ROBO2: variants seen among roughly 807,000 people sequenced by gnomAD.
ROBO2 encodes the protein roundabout guidance receptor 2, also known as roundabout homolog 2.
A neutral mutation model predicts 160.8 loss-of-function variants in ROBO2; 53 were observed. That is an observed-to-expected ratio of 0.33 (90% CI 0.26 to 0.41). The LOEUF is 0.41. ROBO2 is among the 10% of genes least tolerant of loss of function. ROBO2 has a pLI of 1.00. For missense variants in ROBO2, 1,577 were observed against 1,722.4 expected, an observed-to-expected ratio of 0.92 and a Z score of 1.49; for synonymous variants, 664 against 611.7, an observed-to-expected ratio of 1.09 and a Z score of -1.26.
Position 76,077,317 on chromosome 3 carries a change from C to T in ROBO2, c.109+139715C>T, listed in dbSNP as rs187988422. Among the ~76,000 whole-genome samples, 633 of 152,240 alleles carry T rather than the reference C, an allele frequency of 4.2e-3. 4 individuals are homozygous for T. Among genetic ancestry groups the T allele is most frequent in the African/African-American group, 0.015 (604 of 41,562 alleles). The stretch of plus-strand genomic sequence containing the variant: ...GTGGCTCATGCCTGTAATCTCAGCA[C>T]TTTTAGAGGCCGAGGTGGGTGGATC... On this transcript the variant is annotated intron_variant, in intron 2 of 26. Transcript: ENST00000487694.
chr3:76,830,135 C>T (rs931690567), intron 2 of ROBO2, among the ~76,000 whole-genome samples: 1 of 152,188 alleles, frequency 6.6e-6, no homozygotes, highest in South Asian at 2.1e-4. Context: ...CTAGATTTTA[C>T]AATGGTTTCC....
chr3:76,087,050 A>C (rs2069042486), intron 2 of ROBO2, among the ~76,000 whole-genome samples: 1 of 152,158 alleles, frequency 6.6e-6, no homozygotes, highest in South Asian at 2.1e-4. Context: ...GAAACAACTA[A>C]AAACTATGCA....
intron 2 of ROBO2, among the ~76,000 whole-genome samples, chr3:76,294,068 A>T (rs1449908448): frequency 1.3e-5 from 2 of 152,182 alleles, no homozygotes; most frequent in Non-Finnish European, 2.9e-5. Flanking sequence ...GCACTACCCC[A>T]TGCATGTGCA....
chr3:76,260,561 A>T (rs987971939), intron 2 of ROBO2, among the ~76,000 whole-genome samples: 3 of 152,212 alleles, frequency 2.0e-5, no homozygotes, highest in East Asian at 3.9e-4. Context: ...TCATACCCTC[A>T]TTGGTGAGGG....
intron 1 of ROBO2, among the ~76,000 whole-genome samples, chr3:75,928,472 A>G (rs1166914968): frequency 9.9e-5 from 1 of 10,100 alleles, no homozygotes; most frequent in Non-Finnish European, 2.8e-4. Flanking sequence ...ACTCTTATCC[A>G]GATGCTGTAT....
At chr3:76,287,564 T>C (rs1708569363) in intron 2 of ROBO2, among the ~76,000 whole-genome samples, 2 of 152,128 alleles carry the variant, frequency 1.3e-5, no homozygotes, top group East Asian at 3.8e-4. Flanking sequence ...TCTCCCAAAG[T>C]GCCTGGATTA....
At chr3:77,538,487 A>G (rs2092293084) in intron 6 of ROBO2, among the ~76,000 whole-genome samples, 1 of 152,040 alleles carries the variant, frequency 6.6e-6, no homozygotes, top group Non-Finnish European at 1.5e-5. Context: ...AATCATTTAC[A>G]TTTCTTGGAA....
In ROBO2 at chr3:77,518,923, A is replaced by G. The variant is rs187069783; in HGVS notation, c.807-3852A>G. ...GGATTTAGTTACTTTCCGTACTTAC[A>G]TGTTTTCTAACAAACCTGGCCCATG... On this transcript the variant is annotated intron_variant, in intron 5 of 25. Transcript: ENST00000461745. Among the ~76,000 whole-genome samples the G allele has an allele frequency of 6.1e-3, 918 of 151,576 alleles. 8 individuals carry two copies. The highest frequency in any genetic ancestry group is 0.019 in the African/African-American group (784 of 41,460).
At chr3:77,172,159 G>T (rs184744407) in intron 2 of ROBO2, among the ~76,000 whole-genome samples, 1 of 152,252 alleles carries the variant, frequency 6.6e-6, no homozygotes, top group East Asian at 1.9e-4. Context: ...ACATCAAAAT[G>T]AAAATGTCTC....
intron 2 of ROBO2, among the ~76,000 whole-genome samples, chr3:76,259,969 T>C (rs947950709): frequency 6.6e-6 from 1 of 152,170 alleles, no homozygotes; most frequent in Non-Finnish European, 1.5e-5. Context: ...TTTCATAGTT[T>C]ATGACAATCT....
chr3:77,547,169 C>A (rs2092729163), intron 7 of ROBO2, among the ~76,000 whole-genome samples: 1 of 152,040 alleles, frequency 6.6e-6, no homozygotes, highest in Non-Finnish European at 1.5e-5. Context: ...TCATTTAGAA[C>A]TCTGTCTAAA....
chr3:77,578,583 A>C (rs2153673667), intron 15 of ROBO2, among the ~76,000 whole-genome samples: 1 of 152,224 alleles, frequency 6.6e-6, no homozygotes, highest in East Asian at 1.9e-4. Context: ...TTAAAGAATA[A>C]CTTGCTAAAG....
intron 2 of ROBO2, among the ~76,000 whole-genome samples, chr3:76,212,405 A>C (rs940883642): frequency 6.6e-6 from 1 of 152,018 alleles, no homozygotes; most frequent in South Asian, 2.1e-4. Flanking sequence ...AGATAATGTA[A>C]TATGCATTAT....
chr3:76,400,682 T>C (rs1442735006), intron 2 of ROBO2, among the ~76,000 whole-genome samples: 1 of 151,634 alleles, frequency 6.6e-6, no homozygotes, highest in African/African-American at 2.4e-5. Flanking sequence ...ATATAAATTA[T>C]GTTTTTTAAT....
chr3:76,023,049 G>A (rs1386107231), intron 2 of ROBO2, among the ~76,000 whole-genome samples: 1 of 151,668 alleles, frequency 6.6e-6, no homozygotes, highest in Non-Finnish European at 1.5e-5. Flanking sequence ...TTATTTTGGA[G>A]ATGGCTTCTT....
chr3:76,404,660 T>C (rs965684502), intron 2 of ROBO2, among the ~76,000 whole-genome samples: 1 of 149,626 alleles, frequency 6.7e-6, no homozygotes, highest in East Asian at 1.9e-4. Flanking sequence ...ATGTAAAAAA[T>C]GAGAGACTCG....
chr3:76,115,789 G>A (rs1576920911), intron 2 of ROBO2, among the ~76,000 whole-genome samples: 1 of 152,114 alleles, frequency 6.6e-6, no homozygotes, highest in South Asian at 2.1e-4. Flanking sequence ...TTAGCCATAT[G>A]GACATCTTTC....
intron 2 of ROBO2, among the ~76,000 whole-genome samples, chr3:76,883,937 C>T (rs2073621439): frequency 6.6e-6 from 1 of 152,126 alleles, no homozygotes; most frequent in Non-Finnish European, 1.5e-5. Flanking sequence ...AAATAGACTC[C>T]AGCTGGTTTA....
chr3:77,171,138 T>C (rs2079592291), intron 2 of ROBO2, among the ~76,000 whole-genome samples: 1 of 152,130 alleles, frequency 6.6e-6, no homozygotes, highest in African/African-American at 2.4e-5. Flanking sequence ...CCTTTTCTCC[T>C]CGTCACTGAC....
Sources: gnomAD v4.1 joint callset for allele counts (sites outside exome capture counted in the v4.1 genomes callset) on GRCh38, gnomAD v4.1.1 for gene constraint, MANE v1.5 for transcripts, NCBI Gene and HGNC (gene_info 2026-07-23, HGNC 2026-07-21) for gene names.